KIF1A: variants seen among roughly 807,000 people sequenced by gnomAD.
The protein encoded by KIF1A is kinesin-like protein KIF1A.
A neutral mutation model predicts 227.3 loss-of-function variants in KIF1A; 46 were observed. That is an observed-to-expected ratio of 0.20 (90% CI 0.16 to 0.26). KIF1A has a LOEUF of 0.26. Among genes scored for constraint, KIF1A ranks in the 10% least tolerant of loss-of-function variants. The pLI, the probability that KIF1A is intolerant of heterozygous loss-of-function variation, is 1.00. For synonymous variants in KIF1A, 1,022 were observed against 1,012.8 expected, an observed-to-expected ratio of 1.01 and a Z score of -0.17; for missense variants, 1,683 against 2,485.9, an observed-to-expected ratio of 0.68 and a Z score of 6.87.
chr2:240,769,049 GC>G (rs1407583156), intron 17 of KIF1A, 83 bp downstream of exon 17: 18 of 1,220,864 alleles, frequency 1.5e-5, no homozygotes, highest in Non-Finnish European at 2.0e-5. Context: ...ACTTCCAGGA[GC>G]CCCCTCTGGC....
intron 1 of KIF1A, among the ~76,000 whole-genome samples, chr2:240,800,191 T>TG (rs1227991873): frequency 6.6e-6 from 1 of 151,642 alleles, no homozygotes; most frequent in Non-Finnish European, 1.5e-5. Context: ...AAGATCAGTA[T>TG]GGGACAACTG....
intron 48 of KIF1A, among the ~76,000 whole-genome samples, chr2:240,717,607 G>A (rs1351263291): frequency 2.0e-5 from 3 of 152,154 alleles, no homozygotes; most frequent in Non-Finnish European, 2.9e-5. Context: ...CCTGCACCCC[G>A]CTTTTCACAT....
intron 6 of KIF1A, 96 bp from the exon 7 acceptor site, chr2:240,785,196 G>A: frequency 9.8e-7 from 1 of 1,020,300 alleles, no homozygotes; most frequent in Non-Finnish European, 1.5e-6. Context: ...TCATCGGGGG[G>A]GGCAGTTCCC....
rs375209101 is a variant in KIF1A, at chr2:240,744,378, C to T, written c.3466-318G>A. Among the ~76,000 whole-genome samples the T allele has an allele frequency of 1.2e-4, 18 of 152,306 alleles. 1 individual carries two copies. The highest frequency in any genetic ancestry group is 4.1e-4 in the African/African-American group (17 of 41,560). On this transcript the variant is annotated intron_variant, in intron 32 of 48. Coordinates refer to ENST00000498729, the MANE Select transcript of KIF1A (RefSeq NM_001244008.2). ...GGCAGCGCTGGTCTCTTCAGGACTC[C>T]CCTTCTTAGGTCCTGCCCCACTCAG...
rs916419406 is a variant in KIF1A at position 240,724,367 on chromosome 2, C to T, written c.4257-331G>A. 89 of 393,132 alleles carry T rather than the reference C, an allele frequency of 2.3e-4. No homozygotes were observed. The Middle Eastern group carries it at 3.0e-3, about 13-fold the overall frequency. 24.4% of individuals were successfully genotyped at this position (393,132 alleles called of 1,614,324 possible). Reference sequence around the variant, plus strand: ...GCATCTGGCATCTCCAGTCCCTCCACGGCGTCGAGAGCCCCTCAGGCCCCA... The same window carrying T: ...GCATCTGGCATCTCCAGTCCCTCCATGGCGTCGAGAGCCCCTCAGGCCCCA... On this transcript the variant is annotated intron_variant, in intron 40 of 48. Coordinates refer to ENST00000498729, the MANE Select transcript of KIF1A (RefSeq NM_001244008.2).
In KIF1A at chr2:240,786,829, T is replaced by TA. The variant is rs1481644193; in HGVS notation, c.430-317_430-316insT. ...CCATCAGGACCCCTGAGTGAGAGGG[T>TA]GGGGGCTGCCTGCTGAGCAGAGGGC... On this transcript the variant is annotated intron_variant, in intron 5 of 48. Transcript: ENST00000498729. 2.2e-3 allele frequency among the ~76,000 whole-genome samples: 327 copies of TA among 148,772 alleles called. 26 individuals carry two copies. Among genetic ancestry groups the TA allele is most frequent in the African/African-American group, 7.2e-3 (278 of 38,690 alleles).
At chr2:240,799,464 A>T (rs1324305810) in intron 1 of KIF1A, among the ~76,000 whole-genome samples, 1 of 152,154 alleles carries the variant, frequency 6.6e-6, no homozygotes, top group Non-Finnish European at 1.5e-5. Flanking sequence ...CAAGTTCCTG[A>T]TGTGGCTGGA....
In KIF1A at chr2:240,722,465, C is replaced by G; in HGVS notation, c.4656G>C (p.Leu1552=). 6.5e-7 allele frequency: 1 copy of G among 1,546,574 alleles called. No individual in the cohort carries two copies. Among genetic ancestry groups the G allele is most frequent in the Non-Finnish European group, 8.7e-7 (1 of 1,146,742 alleles). ...CACCAGCTGGACCCACCTTGACGGCCAGCTCCCGCTGCCTCTCGTTGGGAG... is the reference window on the plus strand; with the variant it reads ...CACCAGCTGGACCCACCTTGACGGCGAGCTCCCGCTGCCTCTCGTTGGGAG... ...LEAPNERQRE[L]AVKCLRLLTH... Residue 1552 remains leucine (L), a synonymous_variant, in exon 43 of 49, where the codon CTG becomes CTC. Transcript: ENST00000498729.
chr2:240,787,146 C>A, intron 5 of KIF1A, 105 bp downstream of exon 5: 1 of 898,374 alleles, frequency 1.1e-6, no homozygotes, highest in South Asian at 1.4e-5. Flanking sequence ...ACAAGCTGGG[C>A]GTGCAGACCC....
rs672601365 is a variant in KIF1A at position 240,786,444 on chromosome 2, G to A, written c.499C>T (p.Arg167Cys). The A allele has an allele frequency of 6.2e-7, 1 of 1,613,514 alleles. No homozygotes were observed. The highest frequency in any genetic ancestry group is 1.3e-5 in the African/African-American group (1 of 74,932). ...LLNPKNKGNL[R>C]VREHPLLGPY... Reference sequence around the variant, plus strand: ...CCCAGCAGTGGGTGCTCCCTCACGCGAAGGTTGCCCTTGTTCTTGGGGTTC... The same window carrying A: ...CCCAGCAGTGGGTGCTCCCTCACGCAAAGGTTGCCCTTGTTCTTGGGGTTC... Residue 167 changes from arginine (R) to cysteine (C), a missense_variant, in exon 6 of 49, where the codon CGC becomes TGC. By Grantham distance (180) the Arg-to-Cys change is radical. This residue lies in a region of KIF1A where 75 missense variants were observed against 131.2 expected (regional missense o/e 0.57). Coordinates refer to ENST00000498729, the MANE Select transcript of KIF1A (RefSeq NM_001244008.2).
At chr2:240,819,683 T>C (rs2058587734) in intron 1 of KIF1A, among the ~76,000 whole-genome samples, 1 of 148,416 alleles carries the variant, frequency 6.7e-6, no homozygotes. Flanking sequence ...CCGCTCACCA[T>C]CCCTCCCCTC....
At chr2:240,755,749 G>A (rs374317542) in intron 27 of KIF1A, among the ~76,000 whole-genome samples, 88 of 152,316 alleles carry the variant, frequency 5.8e-4, no homozygotes, top group African/African-American at 2.0e-3. Flanking sequence ...CTGAGACTGC[G>A]AGAGCCCCAC....
At chr2:240,735,831 C>T (rs1223981967) in intron 38 of KIF1A, among the ~76,000 whole-genome samples, 3 of 152,182 alleles carry the variant, frequency 2.0e-5, no homozygotes, top group African/African-American at 4.8e-5. Context: ...ACGTGCTCCC[C>T]CCTCATGGCA....
intron 1 of KIF1A, among the ~76,000 whole-genome samples, chr2:240,806,479 C>T (rs906226007): frequency 2.0e-5 from 3 of 152,202 alleles, no homozygotes; most frequent in Non-Finnish European, 2.9e-5. Context: ...CGTGGAGACC[C>T]TGGAGAAGGC....
intron 38 of KIF1A, among the ~76,000 whole-genome samples, chr2:240,732,464 G>A (rs1447061474): frequency 6.7e-6 from 1 of 148,428 alleles, no homozygotes; most frequent in Non-Finnish European, 1.5e-5. Context: ...GAGGAGGTAA[G>A]GGATGAGGGG....
rs2045862431 is a variant in KIF1A, at chr2:240,725,089, C to G, written c.4256+182G>C. On this transcript the variant is annotated intron_variant, in intron 40 of 48. Coordinates refer to ENST00000498729, the MANE Select transcript of KIF1A (RefSeq NM_001244008.2). This position sits in a 1 kb window ranked among gnomAD's most constrained non-coding sequence, Gnocchi z 5.8. ...TCCCCTGCAGGAACCATGGCCTCCA[C>G]AGAGTCTTCATCTAGGGTGAGCAGG... Among the ~76,000 whole-genome samples, 1 of 152,042 alleles carries G rather than the reference C, an allele frequency of 6.6e-6. No homozygotes were observed. Among genetic ancestry groups the G allele is most frequent in the South Asian group, 2.1e-4 (1 of 4,812 alleles).
intron 15 of KIF1A, 50 bp downstream of exon 15, chr2:240,770,921 C>T (rs778234615): frequency 6.3e-7 from 1 of 1,596,728 alleles, no homozygotes; most frequent in South Asian, 1.1e-5. Flanking sequence ...CTCCTCCGAG[C>T]TCCCCACTCC....
chr2:240,745,580 G>A, intron 31 of KIF1A, 63 bp from the exon 32 acceptor site: 3 of 1,507,730 alleles, frequency 2.0e-6, no homozygotes, highest in Non-Finnish European at 2.7e-6. Flanking sequence ...CTTACCAGGT[G>A]GAACCCACCT....
In KIF1A at chr2:240,736,426, G is replaced by C. The variant is rs1221700757; in HGVS notation, c.4007+637C>G. 6.6e-6 allele frequency among the ~76,000 whole-genome samples: 1 copy of C among 152,150 alleles called. No individual in the cohort carries two copies. The highest frequency in any genetic ancestry group is 1.9e-4 in the East Asian group (1 of 5,166). On this transcript the variant is annotated intron_variant, in intron 38 of 48. Transcript: ENST00000498729. This position sits in a 1 kb window ranked among gnomAD's most constrained non-coding sequence, Gnocchi z 4.7. ...CCACCCACCAGGGCTGCCCCTGGCA[G>C]TGCTGAGCCACCTGCCCAGGCCAAC...
Sources: allele counts gnomAD v4.1 joint callset (sites outside exome capture counted in the v4.1 genomes callset), GRCh38; gene constraint gnomAD v4.1.1; regional missense constraint gnomAD v4.1.1; non-coding constraint Gnocchi (gnomAD v3.1); transcripts MANE v1.5; gene names NCBI Gene and HGNC (gene_info 2026-07-23, HGNC 2026-07-21).